Variants in KARS1 observed in about 807,000 individuals in gnomAD.
The protein encoded by KARS1 is lysyl-tRNA synthetase 1, also known as lysine--tRNA ligase.
A neutral mutation model predicts 63.9 loss-of-function variants in KARS1; 50 were observed. The ratio of observed to expected loss-of-function variants is 0.78; its 90% CI spans 0.62 to 0.99. The LOEUF (loss-of-function observed/expected upper bound fraction) is 0.99. Among genes scored for constraint, KARS1 ranks in the 50% least tolerant of loss-of-function variants. The probability of loss-of-function intolerance (pLI) is 0.00; values close to 1 mark genes in which losing one functional copy is unlikely to be tolerated. For missense variants in KARS1, 816 were observed against 754.5 expected, an observed-to-expected ratio of 1.08 and a Z score of -0.95; for synonymous variants, 320 against 264.6, an observed-to-expected ratio of 1.21 and a Z score of -2.03.
chr16:75,645,710 T>G (rs1182034150), intron 1 of KARS1, among the ~76,000 whole-genome samples: 1 of 151,928 alleles, frequency 6.6e-6, no homozygotes. Flanking sequence ...AACCGGGTGT[T>G]GTGGCATGCA....
In KARS1 at chr16:75,627,978, G is replaced by A; in HGVS notation, c.1711C>T (p.Pro571Ser). The A allele has an allele frequency of 6.2e-7, 1 of 1,602,928 alleles. No individual in the cohort carries two copies. Among genetic ancestry groups the A allele is most frequent in the African/African-American group, 1.3e-5 (1 of 74,768 alleles). ...TTCTTGTCTTCGGGTTTCATGGCAG[G>A]AAACAGAAGTACTTCCTGTGGGAGA... ...SNNIKEVLLF[P>S]AMKPEDKKEN... Residue 571 changes from proline to serine, a missense_variant, in exon 14 of 14, where the codon CCT (proline) becomes TCT (serine). Physicochemically the swap from Pro to Ser is moderately conservative, Grantham distance 74. Transcript: ENST00000302445.
In KARS1 at chr16:75,635,812, C is replaced by T; in HGVS notation, c.670-7G>A. The T allele has an allele frequency of 6.2e-7, 1 of 1,614,110 alleles. No individual in the cohort carries two copies. On this transcript the variant is annotated splice_region_variant and splice_polypyrimidine_tract_variant and intron_variant, in intron 5 of 13. Coordinates refer to ENST00000302445, the MANE Select transcript of KARS1 (RefSeq NM_005548.3). ...TCTGGCGATACCTTGTTTCCTAAACCAAAAGCAGCAGTTAGAAATCACTGG... is the reference window on the plus strand; with the variant it reads ...TCTGGCGATACCTTGTTTCCTAAACTAAAAGCAGCAGTTAGAAATCACTGG...
At chr16:75,642,238 C>G (rs998464094) in intron 1 of KARS1, among the ~76,000 whole-genome samples, 10 of 112,152 alleles carry the variant, frequency 8.9e-5, no homozygotes, top group East Asian at 3.3e-4. Context: ...GAGTTTTGCT[C>G]TGTGGCCCAG....
chr16:75,631,129 C>A (rs1297970015), intron 10 of KARS1, 39 bp downstream of exon 10: 1 of 1,528,394 alleles, frequency 6.5e-7, no homozygotes, highest in East Asian at 2.3e-5. Flanking sequence ...CCATTCAGCA[C>A]CAGATGAGGA....
In KARS1 at chr16:75,635,995, G is replaced by A; in HGVS notation, c.586C>T (p.Leu196=). ...GNPGKTKKGE[L]SIIPYEITLL... ...GTGATCTCATACGGAATGATGCTCA[G>A]CTCACCCTTCTTGGTTTTACCAGGA... Residue 196 remains leucine, a synonymous_variant, in exon 5 of 14, where the codon CTG becomes TTG. Transcript: ENST00000302445. The A allele has an allele frequency of 4.3e-6, 7 of 1,614,000 alleles. No homozygotes were observed. Among genetic ancestry groups the A allele is most frequent in the Non-Finnish European group, 5.9e-6 (7 of 1,179,878 alleles).
Position 75,631,542 on chromosome 16 carries a change from C to G in KARS1, c.1126G>C (p.Asp376His). Residue 376 changes from aspartate to histidine, a missense_variant, in exon 9 of 14, where the codon GAT becomes CAT. Coordinates refer to ENST00000302445, the MANE Select transcript of KARS1 (RefSeq NM_005548.3). Reference protein sequence around the residue: ...TGSYKVTYHPDGPEGQAYDVD... With the variant: ...TGSYKVTYHPHGPEGQAYDVD... Reference sequence around the variant, plus strand: ...TCGTAGGCTTGGCCCTCTGGGCCATCTGGGTGGTAGGTGACCTTGTAACTG... The same window carrying G: ...TCGTAGGCTTGGCCCTCTGGGCCATGTGGGTGGTAGGTGACCTTGTAACTG... The G allele has an allele frequency of 6.2e-7, 1 of 1,614,058 alleles. No individual in the cohort carries two copies. The highest frequency in any genetic ancestry group is 8.5e-7 in the Non-Finnish European group (1 of 1,179,922).
intron 6 of KARS1, 113 bp from the exon 7 acceptor site, chr16:75,634,405 T>C: frequency 9.2e-7 from 1 of 1,088,218 alleles, no homozygotes; most frequent in Non-Finnish European, 1.4e-6. Context: ...TAAATGTTAA[T>C]AAGTTCAACA....
intron 3 of KARS1, chr16:75,639,716 A>C (rs917324838): frequency 6.1e-6 from 1 of 163,310 alleles, no homozygotes; most frequent in Non-Finnish European, 1.3e-5. Flanking sequence ...TTCTTTGACT[A>C]TTCTAAATTT....
intron 1 of KARS1, among the ~76,000 whole-genome samples, chr16:75,644,843 T>C (rs1020853728): frequency 3.9e-5 from 6 of 152,142 alleles, no homozygotes; most frequent in Non-Finnish European, 7.4e-5. Context: ...ATAGGAAGCA[T>C]ATAAAATAAG....
chr16:75,647,433 G>C, intron 1 of KARS1, 145 bp downstream of exon 1: 1 of 797,790 alleles, frequency 1.3e-6, no homozygotes, highest in South Asian at 1.5e-5. Flanking sequence ...GGTCTGCAGG[G>C]CGCAGCCACC....
chr16:75,637,643 G>C (rs1193210114), intron 3 of KARS1, among the ~76,000 whole-genome samples: 2 of 152,040 alleles, frequency 1.3e-5, no homozygotes, highest in African/African-American at 2.4e-5. Context: ...GCCAGGCGTG[G>C]TGGCGCATGC....
intron 1 of KARS1, among the ~76,000 whole-genome samples, chr16:75,645,906 A>G (rs1410438546): frequency 6.6e-6 from 1 of 151,992 alleles, no homozygotes; most frequent in Non-Finnish European, 1.5e-5. Flanking sequence ...CCGTTTACCT[A>G]AAAACACACT....
intron 3 of KARS1, among the ~76,000 whole-genome samples, chr16:75,637,898 A>G (rs1316173788): frequency 7.5e-6 from 1 of 132,670 alleles, no homozygotes; most frequent in East Asian, 3.6e-4. Context: ...GAAAAAAGAG[A>G]CCAAAAAAAA....
intron 1 of KARS1, chr16:75,642,763 G>A (rs563128749): frequency 6.6e-6 from 1 of 152,308 alleles, no homozygotes; most frequent in South Asian, 2.1e-4. Flanking sequence ...CATCTTTGTA[G>A]TCAGGCTGCC....
In KARS1 at chr16:75,647,635, G is replaced by T. The variant is rs773811440; in HGVS notation, c.5C>A (p.Ala2Glu). M[A>E]AVQAAEVKVD... ...TTTCACCTCGGCCGCCTGCACGGCCGCCATCTTCCCGGAGGGCCCGACCCA... is the reference window on the plus strand; with the variant it reads ...TTTCACCTCGGCCGCCTGCACGGCCTCCATCTTCCCGGAGGGCCCGACCCA... Residue 2 changes from alanine to glutamate, a missense_variant, in exon 1 of 14, where the codon GCG (alanine) becomes GAG (glutamate). By Grantham distance (107) the Ala-to-Glu change is moderately radical. Coordinates refer to ENST00000302445, the MANE Select transcript of KARS1 (RefSeq NM_005548.3). 1.2e-5 allele frequency: 19 copies of T among 1,613,660 alleles called. No individual in the cohort carries two copies. Among genetic ancestry groups the T allele is most frequent in the African/African-American group, 4.0e-5 (3 of 74,928 alleles).
intron 1 of KARS1, among the ~76,000 whole-genome samples, chr16:75,645,465 G>A (rs978177240): frequency 1.3e-5 from 2 of 152,312 alleles, no homozygotes; most frequent in African/African-American, 4.8e-5. Context: ...GGTTATTACT[G>A]ACACTAGACA....
At chr16:75,638,008 G>A (rs1471226312) in intron 3 of KARS1, among the ~76,000 whole-genome samples, 1 of 151,508 alleles carries the variant, frequency 6.6e-6, no homozygotes, top group Non-Finnish European at 1.5e-5. Flanking sequence ...AAAAACAAGA[G>A]GGAGCTCACT....
At position 75,630,570 on chromosome 16, in the gene KARS1, C is replaced by T. The variant is rs943949230; in HGVS notation, c.1339-62G>A. 46 of 1,040,828 alleles carry T rather than the reference C, an allele frequency of 4.4e-5. No homozygotes were observed. In the African/African-American group the frequency reaches 6.6e-4, roughly 15 times the overall value. The allele number at this position is 1,040,828 out of a possible 1,614,324, so 64.5% of individuals were successfully genotyped here. A position where few individuals can be genotyped will look rare whatever the true frequency, so the allele number is the denominator to read the frequency against. ...CTGAATAGTATTTGATCGTCCCAGC[C>T]CAGACAGAAGATCTCAGCTCCCATC... On this transcript the variant is annotated intron_variant, in intron 10 of 13. Transcript: ENST00000302445.
chr16:75,645,015 T>C (rs1470568987), intron 1 of KARS1, among the ~76,000 whole-genome samples: 1 of 152,220 alleles, frequency 6.6e-6, no homozygotes, highest in Non-Finnish European at 1.5e-5. Context: ...TTATCAACAC[T>C]GGAAGGCAAC....
Sources: gnomAD v4.1 joint callset for allele counts (sites outside exome capture counted in the v4.1 genomes callset) on GRCh38, gnomAD v4.1.1 for gene constraint, MANE v1.5 for transcripts, NCBI Gene and HGNC (gene_info 2026-07-23, HGNC 2026-07-21) for gene names.